Variants in ZCCHC8 observed in about 807,000 individuals in gnomAD.
ZCCHC8 encodes zinc finger CCHC-type containing 8.
In ZCCHC8, 27 loss-of-function variants were observed where a neutral mutation model predicts 70.6. The ratio of observed to expected loss-of-function variants is 0.38; its 90% CI spans 0.28 to 0.53. The LOEUF (loss-of-function observed/expected upper bound fraction) is 0.53. Among genes scored for constraint, ZCCHC8 ranks in the 20% least tolerant of loss-of-function variants. The probability of loss-of-function intolerance (pLI) is 0.81; values close to 1 mark genes in which losing one functional copy is unlikely to be tolerated. For synonymous variants in ZCCHC8, 293 were observed against 317.4 expected (o/e 0.92, Z 0.82); for missense variants, 737 against 876.9 (o/e 0.84, Z 2.01).
intron 1 of ZCCHC8, 192 bp from the exon 2 acceptor site, chr12:122,499,061 G>A: frequency 1.7e-6 from 1 of 604,728 alleles, no homozygotes; most frequent in East Asian, 2.8e-5. Context: ...TTAAAGTACG[G>A]TTTTTATCCT....
intron 11 of ZCCHC8, among the ~76,000 whole-genome samples, chr12:122,479,204 T>C (rs1957481551): frequency 6.6e-6 from 1 of 152,176 alleles, no homozygotes; most frequent in African/African-American, 2.4e-5. Context: ...GCCTCCTGAG[T>C]AGCTGGGATT....
In ZCCHC8 at chr12:122,473,634, T is replaced by C. The variant is rs139379402; in HGVS notation, c.1987A>G (p.Met663Val). Reference protein sequence around the residue: ...ATKIHSPIPDMSKFATGITPF... With the variant: ...ATKIHSPIPDVSKFATGITPF... ...GTGATTCCAGTTGCAAATTTGCTCA[T>C]GTCAGGTATAGGGCTATGAATTTTA... The change falls in exon 14 of 14, where the codon ATG becomes GTG. Residue 663 changes from methionine to valine, a missense_variant. By Grantham distance (21) the Met-to-Val change is conservative (BLOSUM62 1). Transcript: ENST00000633063. The C allele has an allele frequency of 9.4e-3, 15,225 of 1,613,976 alleles. 96 individuals are homozygous for C. Among genetic ancestry groups the C allele is most frequent in the Non-Finnish European group, 0.011 (13,174 of 1,179,892 alleles).
Position 122,472,766 on chromosome 12 carries a change from G to A in ZCCHC8, c.*731C>T, listed in dbSNP as rs1957339810. The stretch of plus-strand genomic sequence containing the variant: ...TTAAACTCGGGAGGCGGAGGTTGCG[G>A]TGAGCCGAGATTGTGCCATTGCACT... On this transcript the variant is annotated 3_prime_UTR_variant, in exon 14 of 14. Transcript: ENST00000633063. 1 of 152,218 alleles carries A rather than the reference G, an allele frequency of 6.6e-6. No individual in the cohort carries two copies. Among genetic ancestry groups the A allele is most frequent in the Non-Finnish European group, 1.5e-5 (1 of 68,120 alleles). 9.4% of individuals were successfully genotyped at this position (152,218 alleles called of 1,614,324 possible). A position where few individuals can be genotyped will look rare whatever the true frequency, so the allele number is the denominator to read the frequency against.
At chr12:122,477,283 T>C (rs1402989482) in intron 13 of ZCCHC8, among the ~76,000 whole-genome samples, 1 of 146,956 alleles carries the variant, frequency 6.8e-6, no homozygotes, top group African/African-American at 2.5e-5. Flanking sequence ...GCCTCCCGAG[T>C]AGCTGGGACT....
At chr12:122,492,427 C>G (rs1179547739) in intron 3 of ZCCHC8, among the ~76,000 whole-genome samples, 1 of 152,148 alleles carries the variant, frequency 6.6e-6, no homozygotes, top group Non-Finnish European at 1.5e-5. Context: ...GTAGCTACCC[C>G]ATAGGTAGTT....
chr12:122,478,899 A>C (rs1315068684), intron 11 of ZCCHC8, among the ~76,000 whole-genome samples: 1 of 152,134 alleles, frequency 6.6e-6, no homozygotes, highest in Non-Finnish European at 1.5e-5. Flanking sequence ...TCTGAAGTAG[A>C]CTGGAAGCTG....
Position 122,500,587 on chromosome 12 carries a change from G to A in ZCCHC8, c.199+55C>T, listed in dbSNP as rs1019847963. On this transcript the variant is annotated intron_variant, in intron 1 of 13. Transcript: ENST00000633063. This position sits in a 1 kb window ranked among gnomAD's most constrained non-coding sequence, Gnocchi z 4.8. ...CCGGCGCTGCCCCGGCCCCACGCCT[G>A]GCGCTGCCCCGGCCCCACACCCGGG... The A allele has an allele frequency of 4.7e-5, 71 of 1,505,524 alleles. No homozygotes were observed. Among genetic ancestry groups the A allele is most frequent in the Non-Finnish European group, 4.3e-5 (49 of 1,127,532 alleles). 93.3% of individuals were successfully genotyped at this position (1,505,524 alleles called of 1,614,324 possible).
chr12:122,487,151 C>T (rs1050549387), intron 5 of ZCCHC8, among the ~76,000 whole-genome samples: 16 of 152,194 alleles, frequency 1.1e-4, no homozygotes, highest in Non-Finnish European at 1.8e-4. Flanking sequence ...AGTCACTATA[C>T]AAACCACCTA....
At position 122,483,413 on chromosome 12, in the gene ZCCHC8, C is replaced by T; in HGVS notation, c.605+47G>A. On this transcript the variant is annotated intron_variant, in intron 6 of 13. Transcript: ENST00000633063. This position sits in a 1 kb window ranked among gnomAD's most constrained non-coding sequence, Gnocchi z 4.4. Reference sequence around the variant, plus strand: ...ATTTGGAAATTGTTTTAAAGGTGAACTTAGTGGCAAGATGCATAAAAGATC... The same window carrying T: ...ATTTGGAAATTGTTTTAAAGGTGAATTTAGTGGCAAGATGCATAAAAGATC... 6.4e-7 allele frequency: 1 copy of T among 1,569,884 alleles called. No homozygotes were observed. The highest frequency in any genetic ancestry group is 8.7e-7 in the Non-Finnish European group (1 of 1,155,318).
At chr12:122,488,068 G>A (rs1957674311) in intron 5 of ZCCHC8, among the ~76,000 whole-genome samples, 1 of 150,532 alleles carries the variant, frequency 6.6e-6, no homozygotes, top group African/African-American at 2.4e-5. Context: ...GTCTCACTCT[G>A]TTGTCCAGGC....
intron 5 of ZCCHC8, among the ~76,000 whole-genome samples, chr12:122,486,552 G>T (rs1216480024): frequency 1.3e-5 from 2 of 151,238 alleles, no homozygotes; most frequent in African/African-American, 4.9e-5. Flanking sequence ...TTCAGACCAC[G>T]TGCTCCAGAC....
At chr12:122,480,868 CA>C in intron 10 of ZCCHC8, 1 of 152,416 alleles carries the variant, frequency 6.6e-6, no homozygotes, top group Non-Finnish European at 1.5e-5. Flanking sequence ...TCTCGGCCTC[CA>C]AAAATCCTGG....
In ZCCHC8 at chr12:122,473,801, C is replaced by A. The variant is rs1245861835; in HGVS notation, c.1820G>T (p.Cys607Phe). 3 of 1,613,022 alleles carry A rather than the reference C, an allele frequency of 1.9e-6. No individual in the cohort carries two copies. The Admixed American group carries it at 5.0e-5, about 27-fold the overall frequency. Residue 607 changes from cysteine to phenylalanine, a missense_variant, in exon 14 of 14, where the codon TGT (cysteine) becomes TTT (phenylalanine). Transcript: ENST00000633063. ...AGCCAACTCTGCTTTTTCCTTCTGA[C>A]AAAGTGATGTCACCTCAGAGTCTGG... ...SSPDSEVTSL[C>F]QKEKAELAPV...
rs1428224983 is a variant in ZCCHC8, at chr12:122,473,658, T to C, written c.1963A>G (p.Lys655Glu). The C allele has an allele frequency of 6.2e-7, 1 of 1,614,018 alleles. No individual in the cohort carries two copies. The highest frequency in any genetic ancestry group is 8.5e-7 in the Non-Finnish European group (1 of 1,179,896). Residue 655 changes from lysine (K) to glutamate (E), a missense_variant, in exon 14 of 14, where the codon AAA (lysine) becomes GAA (glutamate). Transcript: ENST00000633063. ...PADTSPSTAT[K>E]IHSPIPDMSK... ...ATGTCAGGTATAGGGCTATGAATTTTAGTGGCCGTTGAAGGACTGGTGTCT... is the reference window on the plus strand; with the variant it reads ...ATGTCAGGTATAGGGCTATGAATTTCAGTGGCCGTTGAAGGACTGGTGTCT...
In ZCCHC8 at chr12:122,481,958, G is replaced by T; in HGVS notation, c.862C>A (p.Pro288Thr). The change falls in exon 9 of 14, where the codon CCA becomes ACA. Residue 288 changes from proline to threonine, a missense_variant. Coordinates refer to ENST00000633063, the MANE Select transcript of ZCCHC8 (RefSeq NM_017612.5). The part of the protein sequence containing the change: ...EVEERFGRFK[P>T]GVISEELQDA... ...TGCCATTAGTACCTAATAACTCCTG[G>T]CTTGAATCTTCCAAATCTTTCTTCT... is the stretch of plus-strand genomic sequence containing the variant. The T allele has an allele frequency of 6.2e-7, 1 of 1,612,580 alleles. No individual in the cohort carries two copies. The highest frequency in any genetic ancestry group is 8.5e-7 in the Non-Finnish European group (1 of 1,179,408).
At position 122,482,639 on chromosome 12, in the gene ZCCHC8, G is replaced by A. The variant is rs983930031; in HGVS notation, c.728C>T (p.Pro243Leu). The change falls in exon 8 of 14, where the codon CCA (proline) becomes CTA (leucine). Residue 243 changes from proline (P) to leucine (L), a missense_variant. Coordinates refer to ENST00000633063, the MANE Select transcript of ZCCHC8 (RefSeq NM_017612.5). ...GSEEHQMKDC[P>L]MPRNAARISE... ...CTTAACATGAGAAAAATTTACCATT[G>A]GGCAATCTTTCATTTGGTGTTCTTC... The A allele has an allele frequency of 6.2e-7, 1 of 1,603,924 alleles. No homozygotes were observed.
chr12:122,480,414 A>G (rs1480008859), intron 10 of ZCCHC8, 103 bp from the exon 11 acceptor site: 68 of 1,006,152 alleles, frequency 6.8e-5, no homozygotes, highest in Non-Finnish European at 9.0e-5. Context: ...TGGCAACAGA[A>G]TTAGTTTTGA....
At position 122,473,224 on chromosome 12, in the gene ZCCHC8, T is replaced by G; in HGVS notation, c.*273A>C. 2.6e-6 allele frequency: 1 copy of G among 379,730 alleles called. No homozygotes were observed. The highest frequency in any genetic ancestry group is 6.2e-5 in the South Asian group (1 of 16,002). 23.5% of individuals were successfully genotyped at this position (379,730 alleles called of 1,614,324 possible). ...GATAAAAACCATCACTCTCGACGGA[T>G]AGTCACAATCCAAAAATAGTATAAA... On this transcript the variant is annotated 3_prime_UTR_variant, in exon 14 of 14. Coordinates refer to ENST00000633063, the MANE Select transcript of ZCCHC8 (RefSeq NM_017612.5).
At chr12:122,499,490 G>A (rs1957882244) in intron 1 of ZCCHC8, 1 of 152,950 alleles carries the variant, frequency 6.5e-6, no homozygotes, top group African/African-American at 2.4e-5. Context: ...CTGACCTCCT[G>A]ATCCTCATGA....
Sources: allele counts gnomAD v4.1 joint callset (sites outside exome capture counted in the v4.1 genomes callset), GRCh38; gene constraint gnomAD v4.1.1; non-coding constraint Gnocchi (gnomAD v3.1); transcripts MANE v1.5; gene names NCBI Gene and HGNC (gene_info 2026-07-23, HGNC 2026-07-21).